The following PWWP3A variants were observed in gnomAD, a reference collection of about 807,000 sequenced individuals.
PWWP3A encodes the protein PWWP domain-containing DNA repair factor 3A.
In PWWP3A, 53 loss-of-function variants were observed where a neutral mutation model predicts 79.0. The observed-to-expected ratio is 0.67, with a 90% CI of 0.54 to 0.84. The LOEUF (loss-of-function observed/expected upper bound fraction) is 0.84. PWWP3A is among the 40% of genes least tolerant of loss of function. The pLI, the probability that PWWP3A is intolerant of heterozygous loss-of-function variation, is 0.00. For missense variants in PWWP3A, 973 were observed against 948.0 expected (o/e 1.03, Z -0.35); for synonymous variants, 443 against 394.4 (o/e 1.12, Z -1.46).
intron 9 of PWWP3A, among the ~76,000 whole-genome samples, chr19:1,367,957 C>T (rs2082164781): frequency 6.6e-6 from 1 of 152,164 alleles, no homozygotes. Context: ...CGGAGTCTCA[C>T]TCTGTTGCCC....
chr19:1,371,568 G>A, intron 12 of PWWP3A: 1 of 607,874 alleles, frequency 1.6e-6, no homozygotes, highest in East Asian at 2.8e-5. Context: ...AACTTCAGCT[G>A]CGGATTTGGG....
Position 1,369,228 on chromosome 19 carries a change from C to T in PWWP3A, c.1423-37C>T, listed in dbSNP as rs1277485594. On this transcript the variant is annotated intron_variant, in intron 9 of 13. Coordinates refer to ENST00000591337, the MANE Select transcript of PWWP3A (RefSeq NM_001369789.1). The surrounding 1 kb of genome is among the most constrained non-coding windows in gnomAD (Gnocchi z 4.0). ...TCTGAACCCAGGGTGCTTGGCACTG[C>T]CTCCCACTGACGCCTGCTGCCCGGA... 1 of 1,606,252 alleles carries T rather than the reference C, an allele frequency of 6.2e-7. No homozygotes were observed. Among genetic ancestry groups the T allele is most frequent in the East Asian group, 2.2e-5 (1 of 44,812 alleles).
At position 1,355,146 on chromosome 19, in the gene PWWP3A, G is replaced by A. The variant is rs1465326268; in HGVS notation, c.-70+11G>A. 6.6e-6 allele frequency: 1 copy of A among 152,470 alleles called. No homozygotes were observed. The highest frequency in any genetic ancestry group is 1.5e-5 in the Non-Finnish European group (1 of 67,920). The allele number at this position is 152,470 out of a possible 1,614,324, so 9.4% of individuals were successfully genotyped here. A position where few individuals can be genotyped will look rare whatever the true frequency, so the allele number is the denominator to read the frequency against. On this transcript the variant is annotated intron_variant, in intron 1 of 13. Transcript: ENST00000591337. ...AAAGCCGGGGGCCCGGTGAGCCCGC[G>A]GGATGCGTCCCCTCGGTTCCGCCGG...
chr19:1,358,315 G>C, intron 3 of PWWP3A, 79 bp from the exon 4 acceptor site: 1 of 1,307,486 alleles, frequency 7.6e-7, no homozygotes, highest in Non-Finnish European at 1.1e-6. Flanking sequence ...TAATTCTTTT[G>C]TTATCTAAAG....
At chr19:1,367,680 C>T (rs986023237) in intron 9 of PWWP3A, among the ~76,000 whole-genome samples, 2 of 152,244 alleles carry the variant, frequency 1.3e-5, no homozygotes, top group African/African-American at 2.4e-5. Context: ...GCCGATACCA[C>T]GTGGCAGACG....
intron 5 of PWWP3A, 53 bp downstream of exon 5, chr19:1,361,085 C>T (rs751130077): frequency 2.9e-5 from 40 of 1,358,724 alleles, no homozygotes; most frequent in East Asian, 5.9e-5. Context: ...CCTGCTCCTC[C>T]GCAGCCAGAC....
chr19:1,372,439 T>C (rs1444870265), intron 12 of PWWP3A: 3 of 152,170 alleles, frequency 2.0e-5, no homozygotes, highest in Non-Finnish European at 2.9e-5. Flanking sequence ...GTATTGTGTA[T>C]TCAGGATACT....
intron 4 of PWWP3A, chr19:1,358,916 G>C: frequency 2.8e-6 from 1 of 356,702 alleles, no homozygotes; most frequent in South Asian, 2.1e-5. Context: ...GCCCAAGGGA[G>C]AGAACGGGTG....
Position 1,376,998 on chromosome 19 carries a change from C to T in PWWP3A, c.*422C>T, listed in dbSNP as rs966044573. Reference sequence around the variant, plus strand: ...GCTTCGGAAGCGGGAATGGTTCTTCCGGGTTTGCTGTTTTGTCTGTTTCCC... The same window carrying T: ...GCTTCGGAAGCGGGAATGGTTCTTCTGGGTTTGCTGTTTTGTCTGTTTCCC... On this transcript the variant is annotated 3_prime_UTR_variant, in exon 14 of 14. Transcript: ENST00000591337. 3.2e-5 allele frequency: 5 copies of T among 155,064 alleles called. No individual in the cohort carries two copies. Among genetic ancestry groups the T allele is most frequent in the Non-Finnish European group, 7.1e-5 (5 of 70,354 alleles). The allele number at this position is 155,064 out of a possible 1,614,324, so 9.6% of individuals were successfully genotyped here.
At chr19:1,355,294 C>T (rs1385579538) in intron 1 of PWWP3A, among the ~76,000 whole-genome samples, 159 bp downstream of exon 1, 1 of 151,904 alleles carries the variant, frequency 6.6e-6, no homozygotes, top group African/African-American at 2.4e-5. Flanking sequence ...CCTTTTCCGC[C>T]CCTGGCGCCG....
intron 7 of PWWP3A, among the ~76,000 whole-genome samples, chr19:1,365,390 T>G (rs917498862): frequency 5.3e-5 from 8 of 152,242 alleles, no homozygotes; most frequent in African/African-American, 1.9e-4. Context: ...ATCTTACCCC[T>G]TTTTCCCTTT....
At chr19:1,358,650 A>C in intron 4 of PWWP3A, 186 bp downstream of exon 4, 1 of 1,533,638 alleles carries the variant, frequency 6.5e-7, no homozygotes, top group East Asian at 2.5e-5. Context: ...AAACCTTTCC[A>C]GAATTTGCCC....
chr19:1,367,049 G>C, intron 8 of PWWP3A, 111 bp from the exon 9 acceptor site: 1 of 767,006 alleles, frequency 1.3e-6, no homozygotes, highest in Non-Finnish European at 2.1e-6. Context: ...ATAAGCTGGG[G>C]CTGGTGGGGC....
chr19:1,357,165 C>G, intron 3 of PWWP3A, 71 bp downstream of exon 3: 17 of 1,195,750 alleles, frequency 1.4e-5, no homozygotes, highest in East Asian at 2.4e-5. Flanking sequence ...CCCTACTCCC[C>G]CAAAACAGTT....
chr19:1,357,129 C>A (rs373798402), intron 3 of PWWP3A, 35 bp downstream of exon 3: 1 of 1,524,648 alleles, frequency 6.6e-7, no homozygotes, highest in Non-Finnish European at 9.0e-7. Flanking sequence ...CTGTTTTTTC[C>A]CGTGTAGATT....
At chr19:1,362,146 CT>C in intron 5 of PWWP3A, 103 bp from the exon 6 acceptor site, 1 of 911,570 alleles carries the variant, frequency 1.1e-6, no homozygotes. Context: ...AGCATGGAAC[CT>C]TTTCTTTATG....
chr19:1,360,974 C>T lies in PWWP3A; in HGVS notation c.1053C>T (p.His351=), dbSNP rs1372947088. 15 of 1,463,346 alleles carry T rather than the reference C, an allele frequency of 1.0e-5. No homozygotes were observed. The highest frequency in any genetic ancestry group is 1.8e-4 in the Middle Eastern group (1 of 5,584). The allele number at this position is 1,463,346 out of a possible 1,614,324, so 90.6% of individuals were successfully genotyped here. The change falls in exon 5 of 14, where the codon CAC becomes CAT. Residue 351 remains histidine, a synonymous_variant. Transcript: ENST00000591337. This position sits in a 1 kb window ranked among gnomAD's most constrained non-coding sequence, Gnocchi z 4.4. ...CCAGGCTGGGCCCGCCTCCCTCCCA[C>T]GCCTCTGCGGATGCAACCAGATGTC... ...STARLGPPPS[H]ASADATRCLP... is the part of the protein sequence containing the mutation.
chr19:1,358,606 G>C, intron 4 of PWWP3A, 142 bp downstream of exon 4: 2 of 1,571,388 alleles, frequency 1.3e-6, no homozygotes, highest in Non-Finnish European at 1.7e-6. Context: ...AATCCCCTGA[G>C]CTGAAGGAGA....
chr19:1,366,115 A>G (rs2082122263), intron 7 of PWWP3A, among the ~76,000 whole-genome samples, 190 bp from the exon 8 acceptor site: 1 of 152,362 alleles, frequency 6.6e-6, no homozygotes, highest in East Asian at 1.9e-4. Flanking sequence ...CAGATGGGAA[A>G]ACGTTCAAGT....
Sources: gnomAD v4.1 joint callset for allele counts (sites outside exome capture counted in the v4.1 genomes callset) on GRCh38, gnomAD v4.1.1 for gene constraint, Gnocchi (gnomAD v3.1) non-coding constraint, MANE v1.5 for transcripts, NCBI Gene and HGNC (gene_info 2026-07-23, HGNC 2026-07-21) for gene names.